The following KLF8 variants were observed in gnomAD, a reference collection of about 807,000 sequenced individuals.
KLF8 encodes Krueppel-like factor 8.
KLF8 carries 10 observed loss-of-function variants against 18.2 expected under a neutral mutation model. The observed-to-expected ratio is 0.55, with a 90% CI of 0.34 to 0.93. The LOEUF (loss-of-function observed/expected upper bound fraction) is 0.93, where lower values mean the gene tolerates loss of function less well. Ranked by LOEUF, KLF8 falls within the 40% of genes least tolerant of loss-of-function variation. The pLI, the probability that KLF8 is intolerant of heterozygous loss-of-function variation, is 0.02. For synonymous variants in KLF8, 109 were observed against 97.3 expected (o/e 1.12, Z -0.71); for missense variants, 264 against 277.9 (o/e 0.95, Z 0.36).
At chrX:56,264,265 A>T (rs1018752899) in intron 2 of KLF8, among the ~76,000 whole-genome samples, 11 of 109,942 alleles carry the variant, frequency 1.0e-4, no homozygotes, top group Non-Finnish European at 1.3e-4. Context: ...TTAGTTTTTT[A>T]AAAAAAGTAT....
At chrX:56,204,307 T>C in the KLF8 span, among the ~76,000 whole-genome samples, 1 of 112,225 alleles carries the variant, frequency 8.9e-6, no homozygotes. Flanking sequence ...TTGTCAGTTC[T>C]AGTAGCTTTT....
chrX:56,179,951 CT>C, the KLF8 span, among the ~76,000 whole-genome samples: 19 of 110,833 alleles, frequency 1.7e-4, no homozygotes, highest in Non-Finnish European at 2.8e-4. Flanking sequence ...CTAAAATTCT[CT>C]TTTTTTTCTT....
the KLF8 span, among the ~76,000 whole-genome samples, chrX:56,130,652 A>T: frequency 8.9e-6 from 1 of 111,826 alleles, no homozygotes; most frequent in African/African-American, 3.3e-5. Context: ...CCAAGCCAAG[A>T]AAAAAATCCC....
chrX:55,988,909 G>T, the KLF8 span, among the ~76,000 whole-genome samples: 1 of 111,149 alleles, frequency 9.0e-6, no homozygotes, highest in Non-Finnish European at 1.9e-5. Context: ...CCTTGAAGAG[G>T]TCCTCCACAT....
At chrX:55,985,325 C>G in the KLF8 span, among the ~76,000 whole-genome samples, 1 of 111,492 alleles carries the variant, frequency 9.0e-6, no homozygotes, top group Non-Finnish European at 1.9e-5. Context: ...ATTTTTAATT[C>G]TTTAATTTTC....
chrX:56,223,615 G>C, the KLF8 span, among the ~76,000 whole-genome samples: 1 of 112,766 alleles, frequency 8.9e-6, no homozygotes, highest in African/African-American at 3.2e-5. Flanking sequence ...AGTTCACCTA[G>C]ATTCTGCCTT....
chrX:55,983,946 A>G, the KLF8 span, among the ~76,000 whole-genome samples: 1 of 109,629 alleles, frequency 9.1e-6, no homozygotes, highest in Non-Finnish European at 1.9e-5. Flanking sequence ...TTACTACCAA[A>G]TTCATTATTT....
chrX:56,244,985 A>T, intron 1 of KLF8, among the ~76,000 whole-genome samples: 1 of 112,190 alleles, frequency 8.9e-6, no homozygotes, highest in East Asian at 2.8e-4. Context: ...GTTGGGGAGC[A>T]CTATAATTTG....
At chrX:56,017,426 C>T in the KLF8 span, among the ~76,000 whole-genome samples, 2 of 112,420 alleles carry the variant, frequency 1.8e-5, no homozygotes, top group Non-Finnish European at 3.8e-5. Context: ...CACAGTCACC[C>T]TTTCAGACAA....
Position 56,286,882 on chromosome X carries a change from G to C in KLF8, c.*2388G>C, listed in dbSNP as rs1252067308. 1 of 112,030 alleles carries C rather than the reference G, an allele frequency of 8.9e-6. No individual in the cohort carries two copies. The highest frequency in any genetic ancestry group is 1.9e-5 in the Non-Finnish European group (1 of 53,213). The allele number at this position is 112,030 out of a possible 1,213,427, so 9.2% of individuals were successfully genotyped here. A position where few individuals can be genotyped will look rare whatever the true frequency, so the allele number is the denominator to read the frequency against. On this transcript the variant is annotated 3_prime_UTR_variant, in exon 6 of 6. Coordinates refer to ENST00000468660, the MANE Select transcript of KLF8 (RefSeq NM_007250.5). ...AAGGGGACCTCTAATGTAGCTATAA[G>C]ACAGGTTGGTAAAGATGAACTAACA...
the KLF8 span, among the ~76,000 whole-genome samples, chrX:55,914,036 T>G: frequency 3.6e-5 from 4 of 111,822 alleles, no homozygotes; most frequent in Non-Finnish European, 7.5e-5. Context: ...AAGCTGAACT[T>G]AGGAATAACT....
At chrX:56,003,632 G>A in the KLF8 span, among the ~76,000 whole-genome samples, 1 of 111,350 alleles carries the variant, frequency 9.0e-6, no homozygotes, top group African/African-American at 3.3e-5. Context: ...ACAGTTGCAT[G>A]GCAATGTAGT....
chrX:56,132,807 C>T, the KLF8 span, among the ~76,000 whole-genome samples: 1 of 111,064 alleles, frequency 9.0e-6, no homozygotes, highest in African/African-American at 3.3e-5. Context: ...ATCCAAATAA[C>T]ATTAATTAGA....
chrX:56,270,355 C>G, intron 5 of KLF8, 34 bp downstream of exon 5: 1 of 969,910 alleles, frequency 1.0e-6, no homozygotes, highest in Non-Finnish European at 1.3e-6. Context: ...CCAACACACA[C>G]ACACACACAC....
At chrX:56,067,995 C>G in the KLF8 span, among the ~76,000 whole-genome samples, 1 of 112,208 alleles carries the variant, frequency 8.9e-6, no homozygotes, top group African/African-American at 3.2e-5. Context: ...CTATTTCACC[C>G]ACCTTGCCAA....
At chrX:56,020,838 A>G in the KLF8 span, among the ~76,000 whole-genome samples, 5 of 112,099 alleles carry the variant, frequency 4.5e-5, no homozygotes, top group African/African-American at 6.5e-5. Context: ...ACTTTTACCT[A>G]TAAGTATAGC....
chrX:56,138,992 A>G, the KLF8 span, among the ~76,000 whole-genome samples: 1 of 111,276 alleles, frequency 9.0e-6, no homozygotes, highest in Non-Finnish European at 1.9e-5. Context: ...AAATCAGTGT[A>G]CAACAGCATT....
At chrX:55,915,234 C>T in the KLF8 span, among the ~76,000 whole-genome samples, 10 of 111,508 alleles carry the variant, frequency 9.0e-5, no homozygotes, top group African/African-American at 2.9e-4. Flanking sequence ...TGGGGAAACT[C>T]CAGTACCCCA....
At chrX:56,058,267 T>C in the KLF8 span, among the ~76,000 whole-genome samples, 2 of 27,133 alleles carry the variant, frequency 7.4e-5, no homozygotes, top group African/African-American at 2.0e-4. Context: ...CACATATATA[T>C]ACATATATAT....
Sources: gnomAD v4.1 joint callset for allele counts (sites outside exome capture counted in the v4.1 genomes callset) on GRCh38, gnomAD v4.1.1 for gene constraint, MANE v1.5 for transcripts, NCBI Gene and HGNC (gene_info 2026-07-23, HGNC 2026-07-21) for gene names.